LARP4B: variants seen among roughly 807,000 people sequenced by gnomAD.
LARP4B encodes the protein La ribonucleoprotein 4B.
In LARP4B, 12 loss-of-function variants were observed where a neutral mutation model predicts 89.8. The observed-to-expected ratio is 0.13, with a 90% CI of 0.09 to 0.22. The LOEUF is 0.22. Ranked by LOEUF, LARP4B falls within the 10% of genes least tolerant of loss-of-function variation. LARP4B has a pLI of 1.00. For missense variants in LARP4B, 757 were observed against 947.7 expected, an observed-to-expected ratio of 0.80 and a Z score of 2.64; for synonymous variants, 367 against 363.3, an observed-to-expected ratio of 1.01 and a Z score of -0.12.
chr10:890,742 G>C (rs559736999), intron 1 of LARP4B, among the ~76,000 whole-genome samples: 1 of 152,150 alleles, frequency 6.6e-6, no homozygotes, highest in African/African-American at 2.4e-5. Context: ...TAACTATGTA[G>C]ATGATTCTGA....
chr10:835,552 C>T (rs920304512), intron 8 of LARP4B, among the ~76,000 whole-genome samples: 2 of 152,236 alleles, frequency 1.3e-5, no homozygotes, highest in Non-Finnish European at 2.9e-5. Context: ...CTCATGATCT[C>T]AAGGTGTGAC....
intron 7 of LARP4B, among the ~76,000 whole-genome samples, chr10:838,462 G>C (rs1346909445): frequency 6.6e-6 from 1 of 152,092 alleles, no homozygotes; most frequent in African/African-American, 2.4e-5. Context: ...AGAAGACCTG[G>C]ACAGACACTT....
Position 813,073 on chromosome 10 carries a change from T to C in LARP4B, c.2070A>G (p.Ala690=). ...GKEEKKLAEP[A]ERYREPPALK... ...GGGCTGGGGGCTCCCGGTATCTCTCTGCGGGCTCTGCCAGCTTCTTTTCCT... is the reference window on the plus strand; with the variant it reads ...GGGCTGGGGGCTCCCGGTATCTCTCCGCGGGCTCTGCCAGCTTCTTTTCCT... The change falls in exon 18 of 18, where the codon GCA becomes GCG. Residue 690 remains alanine, a synonymous_variant. Transcript: ENST00000316157. 1 of 1,614,176 alleles carries C rather than the reference T, an allele frequency of 6.2e-7. No homozygotes were observed. Among genetic ancestry groups the C allele is most frequent in the Non-Finnish European group, 8.5e-7 (1 of 1,180,024 alleles).
intron 3 of LARP4B, among the ~76,000 whole-genome samples, chr10:874,885 CTA>C (rs1329151962): frequency 1.3e-5 from 2 of 152,122 alleles, no homozygotes; most frequent in African/African-American, 4.8e-5. Context: ...TTATATAGCA[CTA>C]TGTTTCACAA....
chr10:816,797 C>T (rs1229965549), intron 15 of LARP4B, among the ~76,000 whole-genome samples: 1 of 152,188 alleles, frequency 6.6e-6, no homozygotes, highest in African/African-American at 2.4e-5. Flanking sequence ...AGACACGTCA[C>T]CTGGCTTTCA....
Position 829,500 on chromosome 10 carries a change from T to C in LARP4B, c.1010A>G (p.Tyr337Cys). 6.2e-7 allele frequency: 1 copy of C among 1,614,216 alleles called. No homozygotes were observed. Among genetic ancestry groups the C allele is most frequent in the Non-Finnish European group, 8.5e-7 (1 of 1,180,032 alleles). Residue 337 changes from tyrosine (Y) to cysteine (C), a missense_variant, in exon 11 of 18, where the codon TAC becomes TGC. By Grantham distance (194) the Tyr-to-Cys change is radical (BLOSUM62 -2). Coordinates refer to ENST00000316157, the MANE Select transcript of LARP4B (RefSeq NM_015155.3). ...LDVSLYAQQR[Y>C]ATSFYFPPMY... ...GGGAGGGAAGTAGAACGACGTCGCG[T>C]AGCGCTGCTGGGCATACAGGCTCAC...
intron 1 of LARP4B, among the ~76,000 whole-genome samples, chr10:928,166 G>A (rs780204485): frequency 3.3e-5 from 5 of 151,560 alleles, no homozygotes; most frequent in Non-Finnish European, 7.4e-5. Context: ...AGGATGCAGT[G>A]AGCCAAGAAC....
At chr10:816,298 C>G (rs1832052918) in intron 15 of LARP4B, among the ~76,000 whole-genome samples, 2 of 152,202 alleles carry the variant, frequency 1.3e-5, no homozygotes, top group East Asian at 3.8e-4. Flanking sequence ...AGATCCACAA[C>G]TGCAGGTCAT....
In LARP4B at chr10:907,808, G is replaced by A. The variant is rs117388267; in HGVS notation, c.-39-22048C>T. Among the ~76,000 whole-genome samples, 632 of 152,278 alleles carry A rather than the reference G, an allele frequency of 4.2e-3. 21 individuals carry two copies. In the East Asian group the frequency reaches 0.066, roughly 16 times the overall value. The stretch of plus-strand genomic sequence containing the variant: ...AAGACCGAGGCAGAATTAGACTGTT[G>A]GGACTTTCAGCCCACTCCCAATCTC... On this transcript the variant is annotated intron_variant, in intron 1 of 17. Coordinates refer to ENST00000316157, the MANE Select transcript of LARP4B (RefSeq NM_015155.3).
At chr10:940,175 G>A in the LARP4B span, among the ~76,000 whole-genome samples, 3 of 152,104 alleles carry the variant, frequency 2.0e-5, no homozygotes, top group Non-Finnish European at 2.9e-5. Flanking sequence ...GCACCACCAC[G>A]CCCGGCTAAT....
chr10:940,942 C>T, the LARP4B span, among the ~76,000 whole-genome samples: 2 of 152,048 alleles, frequency 1.3e-5, no homozygotes, highest in African/African-American at 2.4e-5. Context: ...ATCACAGACT[C>T]AGCTGGAGAG....
At chr10:968,316 A>T in the LARP4B span, among the ~76,000 whole-genome samples, 328 of 148,922 alleles carry the variant, frequency 2.2e-3, 1 homozygote, top group African/African-American at 7.8e-3. Flanking sequence ...AAACTTTATA[A>T]ATGCACCATA....
At chr10:864,354 C>T (rs981235451) in intron 3 of LARP4B, 84 bp from the exon 4 acceptor site, 1 of 1,350,388 alleles carries the variant, frequency 7.4e-7, no homozygotes, top group Non-Finnish European at 1.0e-6. Context: ...TAAGAGACAT[C>T]AGATATAGGC....
intron 3 of LARP4B, among the ~76,000 whole-genome samples, chr10:877,935 T>C (rs1835520759): frequency 6.6e-6 from 1 of 151,920 alleles, no homozygotes; most frequent in African/African-American, 2.4e-5. Flanking sequence ...ACGTAAAGGG[T>C]CTGAGGCAAG....
At position 912,949 on chromosome 10, in the gene LARP4B, T is replaced by C. The variant is rs1200884616; in HGVS notation, c.-40+18479A>G. 2.0e-5 allele frequency among the ~76,000 whole-genome samples: 3 copies of C among 152,120 alleles called. No homozygotes were observed. The East Asian group carries it at 5.8e-4, about 29-fold the overall frequency. Reference sequence around the variant, plus strand: ...AAAGAAACTGACATCTGTAAGGGCATCTCCCTTCCTGCACTCAAGCCACTA... The same window carrying C: ...AAAGAAACTGACATCTGTAAGGGCACCTCCCTTCCTGCACTCAAGCCACTA... On this transcript the variant is annotated intron_variant, in intron 1 of 17. Transcript: ENST00000316157.
chr10:966,508 C>T, the LARP4B span, among the ~76,000 whole-genome samples: 1 of 152,224 alleles, frequency 6.6e-6, no homozygotes, highest in Non-Finnish European at 1.5e-5. Context: ...ACAAAAGGAA[C>T]AGAAGAGGAG....
chr10:921,391 T>C (rs891977318), intron 1 of LARP4B, among the ~76,000 whole-genome samples: 1 of 152,184 alleles, frequency 6.6e-6, no homozygotes, highest in African/African-American at 2.4e-5. Context: ...TGGGAAAACA[T>C]CTAGTCTACA....
In LARP4B at chr10:926,474, G is replaced by A. The variant is rs1837135856; in HGVS notation, c.-40+4954C>T. 2.0e-5 allele frequency among the ~76,000 whole-genome samples: 3 copies of A among 152,198 alleles called. No homozygotes were observed. The South Asian group carries it at 6.2e-4, about 31-fold the overall frequency. On this transcript the variant is annotated intron_variant, in intron 1 of 17. Coordinates refer to ENST00000316157, the MANE Select transcript of LARP4B (RefSeq NM_015155.3). ...GGCGTGGTCCTGATTAAAAGGTGGG[G>A]CAGGGCAAGAAGGAAGACACAGAAG...
intron 1 of LARP4B, among the ~76,000 whole-genome samples, chr10:906,513 G>A (rs981277701): frequency 1.3e-5 from 2 of 152,238 alleles, no homozygotes; most frequent in African/African-American, 4.8e-5. Context: ...GGTATGCATG[G>A]ATCCACAGAC....
Sources: gnomAD v4.1 joint callset for allele counts (sites outside exome capture counted in the v4.1 genomes callset) on GRCh38, gnomAD v4.1.1 for gene constraint, MANE v1.5 for transcripts, NCBI Gene and HGNC (gene_info 2026-07-23, HGNC 2026-07-21) for gene names.